The following CUEDC1 variants were observed in gnomAD, a reference collection of about 807,000 sequenced individuals.
The protein encoded by CUEDC1 is CUE domain-containing protein 1.
Under a neutral mutation model 43.7 loss-of-function variants are expected in CUEDC1, and 30 were observed. The observed-to-expected ratio is 0.69, with a 90% CI of 0.51 to 0.93. CUEDC1 has a LOEUF of 0.93. Ranked by LOEUF, CUEDC1 falls within the 40% of genes least tolerant of loss-of-function variation. The pLI is 0.00. For missense variants in CUEDC1, 486 were observed against 549.0 expected, an observed-to-expected ratio of 0.89 and a Z score of 1.15; for synonymous variants, 223 against 223.6, an observed-to-expected ratio of 1.00 and a Z score of 0.02.
At chr17:57,891,433 T>C (rs1203498118) in intron 1 of CUEDC1, among the ~76,000 whole-genome samples, 1 of 152,148 alleles carries the variant, frequency 6.6e-6, no homozygotes, top group African/African-American at 2.4e-5. Flanking sequence ...CCTTACCACC[T>C]CCACAGCTAC....
intron 3 of CUEDC1, among the ~76,000 whole-genome samples, chr17:57,878,308 C>T (rs546154116): frequency 1.4e-4 from 22 of 152,314 alleles, no homozygotes; most frequent in African/African-American, 4.6e-4. Context: ...GTGATGACAA[C>T]AGTGCCCGCC....
rs149380427 is a variant in CUEDC1, at chr17:57,885,409, G to A, written c.156C>T (p.Asp52=). Residue 52 remains aspartate (D), a synonymous_variant, in exon 2 of 11, where the codon GAC becomes GAT. Transcript: ENST00000577830. The part of the protein sequence containing the change: ...VRRLEFNQAM[D]DFKTMFPNMD... Reference sequence around the variant, plus strand: ...TGTTGGGGAACATGGTCTTGAAGTCGTCCATGGCCTGGTTGAACTCCAGGC... The same window carrying A: ...TGTTGGGGAACATGGTCTTGAAGTCATCCATGGCCTGGTTGAACTCCAGGC... The A allele has an allele frequency of 4.0e-4, 649 of 1,607,348 alleles. 5 individuals carry two copies. In the East Asian group the frequency reaches 0.014, roughly 34 times the overall value.
intron 1 of CUEDC1, among the ~76,000 whole-genome samples, chr17:57,918,631 A>G (rs1475503746): frequency 6.6e-6 from 1 of 152,216 alleles, no homozygotes; most frequent in Non-Finnish European, 1.5e-5. Flanking sequence ...GAGGAGTCAG[A>G]GTTTTTCCGA....
At chr17:57,919,460 G>A (rs1416392883) in intron 1 of CUEDC1, among the ~76,000 whole-genome samples, 6 of 152,286 alleles carry the variant, frequency 3.9e-5, no homozygotes, top group South Asian at 2.1e-4. Context: ...GATTACAGGC[G>A]TGTGCCCGGC....
At chr17:57,929,410 A>G (rs910365384) in intron 1 of CUEDC1, among the ~76,000 whole-genome samples, 1 of 152,216 alleles carries the variant, frequency 6.6e-6, no homozygotes, top group Non-Finnish European at 1.5e-5. Context: ...GACCAGGGCC[A>G]CTAAAAGTAT....
At chr17:57,920,462 G>T (rs912054297) in intron 1 of CUEDC1, among the ~76,000 whole-genome samples, 5 of 152,104 alleles carry the variant, frequency 3.3e-5, no homozygotes, top group African/African-American at 4.8e-5. Flanking sequence ...GATGGTTAGG[G>T]ATTATAATAA....
Position 57,954,636 on chromosome 17 carries a change from G to A in CUEDC1, c.-316+589C>T, listed in dbSNP as rs2075038435. ...CAACTTTCCCTGGCCGAGCTGACGGGAGATACAGCTCCCAGGGGACCGGGA... is the reference window on the plus strand; with the variant it reads ...CAACTTTCCCTGGCCGAGCTGACGGAAGATACAGCTCCCAGGGGACCGGGA... On this transcript the variant is annotated intron_variant, in intron 1 of 10. Transcript: ENST00000577830. The surrounding 1 kb of genome is among the most constrained non-coding windows in gnomAD (Gnocchi z 4.3). Among the ~76,000 whole-genome samples the A allele has an allele frequency of 1.3e-5, 2 of 152,070 alleles. No homozygotes were observed. The highest frequency in any genetic ancestry group is 4.8e-5 in the African/African-American group (2 of 41,408).
chr17:57,871,370 C>A lies in CUEDC1; in HGVS notation c.785-1G>T. 1.2e-6 allele frequency: 2 copies of A among 1,613,400 alleles called. No homozygotes were observed. The highest frequency in any genetic ancestry group is 1.7e-6 in the Non-Finnish European group (2 of 1,179,744). The stretch of plus-strand genomic sequence containing the variant: ...TTCTGGGATTCGTATTTCAATCGAT[C>A]TGGAAAAGGACCACATTCACAGGTC... On this transcript the variant is annotated splice_acceptor_variant, in intron 5 of 10. Transcript: ENST00000577830. LOFTEE classifies it high-confidence loss of function.
At chr17:57,919,212 T>G (rs1234118046) in intron 1 of CUEDC1, among the ~76,000 whole-genome samples, 3 of 148,496 alleles carry the variant, frequency 2.0e-5, no homozygotes, top group Admixed American at 6.7e-5. Context: ...GGAGTTCTGC[T>G]CTTGTCATCC....
chr17:57,899,847 G>A (rs1437625364), intron 1 of CUEDC1, among the ~76,000 whole-genome samples: 1 of 152,110 alleles, frequency 6.6e-6, no homozygotes, highest in East Asian at 1.9e-4. Context: ...TCGCTAGTGC[G>A]CACTGACAGC....
At chr17:57,894,085 T>TC (rs1370302720) in intron 1 of CUEDC1, among the ~76,000 whole-genome samples, 2 of 152,092 alleles carry the variant, frequency 1.3e-5, no homozygotes, top group African/African-American at 4.8e-5. Flanking sequence ...AGAGCAAGAC[T>TC]CCGTCTCAAA....
At chr17:57,870,697 G>T (rs182166086) in intron 6 of CUEDC1, among the ~76,000 whole-genome samples, 1 of 148,830 alleles carries the variant, frequency 6.7e-6, no homozygotes, top group Non-Finnish European at 1.5e-5. Flanking sequence ...TTTTTTTGGA[G>T]ACAGGGTCTC....
At chr17:57,864,111 G>A (rs2073922132) in intron 10 of CUEDC1, among the ~76,000 whole-genome samples, 1 of 152,086 alleles carries the variant, frequency 6.6e-6, no homozygotes, top group Non-Finnish European at 1.5e-5. Context: ...ATCAGAGTAG[G>A]TAGGGGCAGT....
chr17:57,931,557 G>C (rs899081044), intron 1 of CUEDC1, among the ~76,000 whole-genome samples: 1 of 152,134 alleles, frequency 6.6e-6, no homozygotes, highest in Non-Finnish European at 1.5e-5. Flanking sequence ...CTGCAGTGGG[G>C]GGAAAGAGAG....
chr17:57,925,553 T>G (rs1298083943), intron 1 of CUEDC1, among the ~76,000 whole-genome samples: 1 of 152,170 alleles, frequency 6.6e-6, no homozygotes, highest in Non-Finnish European at 1.5e-5. Flanking sequence ...TCAGGTGCTC[T>G]GCCCCAGGCA....
intron 1 of CUEDC1, among the ~76,000 whole-genome samples, chr17:57,950,795 T>C (rs981440665): frequency 1.4e-4 from 22 of 152,324 alleles, no homozygotes; most frequent in African/African-American, 4.8e-4. Flanking sequence ...TGACTGCCTA[T>C]TGGGCCTGCC....
chr17:57,937,310 G>A (rs2586087), intron 1 of CUEDC1, among the ~76,000 whole-genome samples: 66,184 of 151,864 alleles, frequency 0.44, 17,203 homozygotes, highest in East Asian at 0.94. Flanking sequence ...ACTCAGGGAG[G>A]TTTAGAAATC....
chr17:57,931,026 T>C (rs2074798382), intron 1 of CUEDC1, among the ~76,000 whole-genome samples: 1 of 152,170 alleles, frequency 6.6e-6, no homozygotes, highest in Non-Finnish European at 1.5e-5. Context: ...TGGTGGCTCC[T>C]GTCTGTAATC....
In CUEDC1 at chr17:57,955,199, G is replaced by C. The variant is rs1301971155; in HGVS notation, c.-316+26C>G. ...GAGGACCGCGCCCGGGGCCGGGCGG[G>C]AGCCGCGGGAGCGCGGGGGTCTTAC... On this transcript the variant is annotated intron_variant, in intron 1 of 10. Coordinates refer to ENST00000577830, the MANE Select transcript of CUEDC1 (RefSeq NM_001271875.2). This position sits in a 1 kb window ranked among gnomAD's most constrained non-coding sequence, Gnocchi z 5.3. 1 of 145,308 alleles carries C rather than the reference G, an allele frequency of 6.9e-6. No individual in the cohort carries two copies. The highest frequency in any genetic ancestry group is 1.5e-5 in the Non-Finnish European group (1 of 65,274). 9.0% of individuals were successfully genotyped at this position (145,308 alleles called of 1,614,324 possible).
Sources: allele counts gnomAD v4.1 joint callset (sites outside exome capture counted in the v4.1 genomes callset), GRCh38; gene constraint gnomAD v4.1.1; non-coding constraint Gnocchi (gnomAD v3.1); transcripts MANE v1.5; gene names NCBI Gene and HGNC (gene_info 2026-07-23, HGNC 2026-07-21).